Variants in TACR1 observed in about 807,000 individuals in gnomAD.
TACR1 encodes tachykinin receptor 1, also known as substance-P receptor.
In TACR1, 25 loss-of-function variants were observed where a neutral mutation model predicts 35.8. That is an observed-to-expected ratio of 0.70 (90% CI 0.51 to 0.98). The LOEUF (loss-of-function observed/expected upper bound fraction) is 0.98. TACR1 is among the 50% of genes least tolerant of loss of function. TACR1 has a pLI of 0.00. For missense variants in TACR1, 478 were observed against 522.9 expected, an observed-to-expected ratio of 0.91 and a Z score of 0.84; for synonymous variants, 195 against 206.7, an observed-to-expected ratio of 0.94 and a Z score of 0.48.
At chr2:75,198,468 C>CA (rs1429352111) in intron 1 of TACR1, 78 bp downstream of exon 1, 3 of 1,537,000 alleles carry the variant, frequency 2.0e-6, no homozygotes, top group Non-Finnish European at 2.7e-6. Context: ...ACCCATACCC[C>CA]ACCCAGTTCC....
chr2:75,086,347 T>C (rs1673188353), intron 2 of TACR1, among the ~76,000 whole-genome samples: 1 of 152,262 alleles, frequency 6.6e-6, no homozygotes, highest in East Asian at 1.9e-4. Flanking sequence ...TTTTTGCATG[T>C]CTTAAAACAG....
intron 1 of TACR1, among the ~76,000 whole-genome samples, chr2:75,178,513 A>T (rs1341780670): frequency 6.6e-6 from 1 of 151,158 alleles, no homozygotes; most frequent in East Asian, 2.0e-4. Flanking sequence ...CTATTCAAAC[A>T]TGCTACAATA....
intron 1 of TACR1, among the ~76,000 whole-genome samples, chr2:75,180,260 T>C (rs1675531129): frequency 6.6e-6 from 1 of 152,232 alleles, no homozygotes. Context: ...TGTCTATCAC[T>C]CTAAATGGAG....
chr2:75,102,935 G>T (rs1673567864), intron 2 of TACR1, among the ~76,000 whole-genome samples: 1 of 152,088 alleles, frequency 6.6e-6, no homozygotes, highest in Non-Finnish European at 1.5e-5. Flanking sequence ...ATCATTGTTT[G>T]TGGACCATAA....
intron 1 of TACR1, among the ~76,000 whole-genome samples, chr2:75,171,562 T>G (rs1308745974): frequency 6.6e-6 from 1 of 152,166 alleles, no homozygotes; most frequent in African/African-American, 2.4e-5. Context: ...GCTTGCACTA[T>G]GTGCCTGGAA....
chr2:75,173,474 A>G (rs1359945713), intron 1 of TACR1, among the ~76,000 whole-genome samples: 1 of 152,220 alleles, frequency 6.6e-6, no homozygotes, highest in Non-Finnish European at 1.5e-5. Flanking sequence ...TTATCAAACC[A>G]TGAATAATAA....
chr2:75,113,263 T>C (rs1416365818), intron 2 of TACR1, among the ~76,000 whole-genome samples: 1 of 152,214 alleles, frequency 6.6e-6, no homozygotes, highest in Non-Finnish European at 1.5e-5. Flanking sequence ...TTTCTCCATC[T>C]GAGGACAGCT....
rs147963378 is a variant in TACR1 at position 75,103,528 on chromosome 2, A to G, written c.584+17046T>C. Among the ~76,000 whole-genome samples the G allele has an allele frequency of 1.6e-4, 24 of 151,762 alleles. No individual in the cohort carries two copies. The East Asian group carries it at 4.6e-3, about 29-fold the overall frequency. Reference sequence around the variant, plus strand: ...GAAATTATACCCTGAGACCAAAATAAATACCCATGAGTCCATACTAACATA... The same window carrying G: ...GAAATTATACCCTGAGACCAAAATAGATACCCATGAGTCCATACTAACATA... On this transcript the variant is annotated intron_variant, in intron 2 of 4. Coordinates refer to ENST00000305249, the MANE Select transcript of TACR1 (RefSeq NM_001058.4).
chr2:75,079,655 TC>T (rs1212944436), intron 2 of TACR1, among the ~76,000 whole-genome samples: 2 of 152,066 alleles, frequency 1.3e-5, no homozygotes, highest in African/African-American at 4.8e-5. Flanking sequence ...TCTTGAAGGT[TC>T]CCCCACTTCA....
At chr2:75,131,368 G>T (rs1674174488) in intron 1 of TACR1, among the ~76,000 whole-genome samples, 1 of 152,042 alleles carries the variant, frequency 6.6e-6, no homozygotes, top group Non-Finnish European at 1.5e-5. Flanking sequence ...GATTACAGGT[G>T]TGAGCCCCCG....
In TACR1 at chr2:75,125,474, C is replaced by T. The variant is rs999954491; in HGVS notation, c.390-4706G>A. Among the ~76,000 whole-genome samples the T allele has an allele frequency of 3.3e-5, 5 of 152,250 alleles. No homozygotes were observed. The East Asian group carries it at 7.7e-4, about 23-fold the overall frequency. Reference sequence around the variant, plus strand: ...TGCTGGGATTACAGGCATGAGCCACCGCGCCGGGCCTTTATTTTTCTAATT... The same window carrying T: ...TGCTGGGATTACAGGCATGAGCCACTGCGCCGGGCCTTTATTTTTCTAATT... On this transcript the variant is annotated intron_variant, in intron 1 of 4. Transcript: ENST00000305249.
chr2:75,199,105 G>A lies in TACR1; in HGVS notation c.-171C>T, dbSNP rs146476042. On this transcript the variant is annotated 5_prime_UTR_variant, in exon 1 of 5. Coordinates refer to ENST00000305249, the MANE Select transcript of TACR1 (RefSeq NM_001058.4). ...CTGAACTGGCGCTCAGAATATAAAC[G>A]CTTCTGGATGCACTGCCCGCCTGCC... is the stretch of plus-strand genomic sequence containing the variant. The A allele has an allele frequency of 6.6e-5, 52 of 783,224 alleles. No homozygotes were observed. The African/African-American group carries it at 7.7e-4, about 12-fold the overall frequency. The allele number at this position is 783,224 out of a possible 1,614,324, so 48.5% of individuals were successfully genotyped here.
intron 1 of TACR1, among the ~76,000 whole-genome samples, chr2:75,155,984 AAAG>A (rs917853064): frequency 6.6e-6 from 1 of 152,266 alleles, no homozygotes; most frequent in African/African-American, 2.4e-5. Flanking sequence ...AAAAAAATAA[AAAG>A]AAGACTATTT....
At chr2:75,086,691 C>T (rs1489691762) in intron 2 of TACR1, among the ~76,000 whole-genome samples, 2 of 152,104 alleles carry the variant, frequency 1.3e-5, no homozygotes, top group East Asian at 3.9e-4. Context: ...AGAGACACTT[C>T]AAAGGAATAA....
At chr2:75,078,639 T>A (rs1459015271) in intron 2 of TACR1, among the ~76,000 whole-genome samples, 1 of 152,208 alleles carries the variant, frequency 6.6e-6, no homozygotes, top group African/African-American at 2.4e-5. Context: ...TTGTGCCATT[T>A]CCAACATCAT....
chr2:75,057,461 G>C (rs1330785871), intron 2 of TACR1, among the ~76,000 whole-genome samples: 1 of 152,200 alleles, frequency 6.6e-6, no homozygotes, highest in Non-Finnish European at 1.5e-5. Context: ...CTGTTGGGTG[G>C]TCTCTTCACA....
intron 1 of TACR1, among the ~76,000 whole-genome samples, chr2:75,176,940 C>T (rs1458299510): frequency 6.6e-6 from 1 of 152,188 alleles, no homozygotes; most frequent in Non-Finnish European, 1.5e-5. Context: ...CCAAGGAACA[C>T]TGTCTTCAGC....
At chr2:75,077,778 A>C (rs1310321628) in intron 2 of TACR1, among the ~76,000 whole-genome samples, 3 of 152,212 alleles carry the variant, frequency 2.0e-5, no homozygotes, top group Non-Finnish European at 4.4e-5. Flanking sequence ...ATGGAGCTGT[A>C]CCCATCCCCA....
chr2:75,074,966 T>C (rs1314133838), intron 2 of TACR1, among the ~76,000 whole-genome samples: 1 of 152,206 alleles, frequency 6.6e-6, no homozygotes, highest in Admixed American at 6.5e-5. Context: ...GGATGGTTGG[T>C]CACTTTAGAT....
Sources: gnomAD v4.1 joint callset for allele counts (sites outside exome capture counted in the v4.1 genomes callset) on GRCh38, gnomAD v4.1.1 for gene constraint, MANE v1.5 for transcripts, NCBI Gene and HGNC (gene_info 2026-07-23, HGNC 2026-07-21) for gene names.